The following PPP2R5E variants were observed in gnomAD, a reference collection of about 807,000 sequenced individuals.
PPP2R5E encodes protein phosphatase 2 regulatory subunit B'epsilon.
Under a neutral mutation model 65.3 loss-of-function variants are expected in PPP2R5E, and 4 were observed. The observed-to-expected ratio is 0.06, with a 90% CI of 0.03 to 0.14. The LOEUF (loss-of-function observed/expected upper bound fraction) is 0.14. Ranked by LOEUF, PPP2R5E falls within the 10% of genes least tolerant of loss-of-function variation. The pLI is 1.00. For synonymous variants in PPP2R5E, 183 were observed against 187.4 expected, an observed-to-expected ratio of 0.98 and a Z score of 0.19; for missense variants, 274 against 556.1, an observed-to-expected ratio of 0.49 and a Z score of 5.10.
chr14:63,378,325 T>A (rs540915714), intron 13 of PPP2R5E, among the ~76,000 whole-genome samples: 4 of 152,288 alleles, frequency 2.6e-5, no homozygotes, highest in African/African-American at 9.6e-5. Context: ...ATGCCAGAGG[T>A]TGTAAAACTT....
At chr14:63,391,531 C>T (rs1885023427) in intron 10 of PPP2R5E, among the ~76,000 whole-genome samples, 1 of 152,202 alleles carries the variant, frequency 6.6e-6, no homozygotes, top group Non-Finnish European at 1.5e-5. Context: ...TCAAGCGATT[C>T]TCCTGCCTCA....
At chr14:63,540,390 C>T (rs1893845324) in intron 1 of PPP2R5E, among the ~76,000 whole-genome samples, 2 of 141,514 alleles carry the variant, frequency 1.4e-5, no homozygotes, top group African/African-American at 5.4e-5. Context: ...AAGATGGCAC[C>T]ACTGCACTCC....
At position 63,474,159 on chromosome 14, in the gene PPP2R5E, T is replaced by C. The variant is rs1254971024; in HGVS notation, c.158-20274A>G. 2.0e-5 allele frequency among the ~76,000 whole-genome samples: 3 copies of C among 152,158 alleles called. No homozygotes were observed. In the East Asian group the frequency reaches 5.8e-4, roughly 29 times the overall value. ...AGGATTGGAGACAAAGTGGACAAATTAGAGATAATTTACTGGAAGAAGAAT... is the reference window on the plus strand; with the variant it reads ...AGGATTGGAGACAAAGTGGACAAATCAGAGATAATTTACTGGAAGAAGAAT... On this transcript the variant is annotated intron_variant, in intron 2 of 13. Transcript: ENST00000337537.
At chr14:63,522,862 G>A (rs1892999753) in intron 2 of PPP2R5E, among the ~76,000 whole-genome samples, 4 of 151,234 alleles carry the variant, frequency 2.6e-5, no homozygotes, top group African/African-American at 9.7e-5. Context: ...GGGAGGTGGG[G>A]GGGGTCAGCC....
At chr14:63,415,865 G>A (rs116826771) in intron 4 of PPP2R5E, among the ~76,000 whole-genome samples, 1 of 152,246 alleles carries the variant, frequency 6.6e-6, no homozygotes, top group African/African-American at 2.4e-5. Flanking sequence ...ACATCAGTAT[G>A]TACTTGTTCA....
intron 3 of PPP2R5E, among the ~76,000 whole-genome samples, chr14:63,447,985 G>A (rs963656093): frequency 6.6e-6 from 1 of 152,134 alleles, no homozygotes; most frequent in African/African-American, 2.4e-5. Flanking sequence ...ACATTTCATG[G>A]TGTCCCAAAG....
intron 13 of PPP2R5E, among the ~76,000 whole-genome samples, chr14:63,379,826 C>CTCTCTCTT (rs528081976): frequency 1.0e-4 from 10 of 100,280 alleles, no homozygotes; most frequent in African/African-American, 5.2e-4. Flanking sequence ...TATTCTCTCT[C>CTCTCTCTT]TTTTTTTTTT....
Position 63,539,670 on chromosome 14 carries a change from T to C in PPP2R5E, c.16A>G (p.Thr6Ala), listed in dbSNP as rs1028023177. 3.7e-6 allele frequency: 6 copies of C among 1,613,782 alleles called. No individual in the cohort carries two copies. Among genetic ancestry groups the C allele is most frequent in the South Asian group, 2.2e-5 (2 of 91,034 alleles). Residue 6 changes from threonine (T) to alanine (A), a missense_variant, in exon 2 of 14, where the codon ACT becomes GCT. Thr to Ala is a moderately conservative substitution (Grantham distance 58). Coordinates refer to ENST00000337537, the MANE Select transcript of PPP2R5E (RefSeq NM_006246.5). The stretch of plus-strand genomic sequence containing the variant: ...ACTTTATCCACTGATGGAGGAGTAG[T>C]TGGTGCTGAGGACATATCCCTACTG... MSSAP[T>A]TPPSVDKVDG...
chr14:63,519,410 G>A (rs751729446), intron 2 of PPP2R5E, among the ~76,000 whole-genome samples: 1 of 150,842 alleles, frequency 6.6e-6, no homozygotes, highest in African/African-American at 2.4e-5. Context: ...GAGTGCAGTG[G>A]TACGATCTCT....
Position 63,542,785 on chromosome 14 carries a change from G to A in PPP2R5E, c.-14C>T, listed in dbSNP as rs1893959802. On this transcript the variant is annotated 5_prime_UTR_variant, in exon 1 of 14. Coordinates refer to ENST00000337537, the MANE Select transcript of PPP2R5E (RefSeq NM_006246.5). ...GCTGGAGGGACTAAGTTACCTTGAAGCTTCTGGGGAAGAATCCAAAGATGA... is the reference window on the plus strand; with the variant it reads ...GCTGGAGGGACTAAGTTACCTTGAAACTTCTGGGGAAGAATCCAAAGATGA... The A allele has an allele frequency of 6.5e-6, 1 of 153,838 alleles. No homozygotes were observed. Among genetic ancestry groups the A allele is most frequent in the African/African-American group, 2.4e-5 (1 of 41,510 alleles). 9.5% of individuals were successfully genotyped at this position (153,838 alleles called of 1,614,324 possible).
intron 2 of PPP2R5E, among the ~76,000 whole-genome samples, chr14:63,457,099 T>C (rs952451337): frequency 3.3e-5 from 5 of 152,170 alleles, no homozygotes; most frequent in African/African-American, 4.8e-5. Context: ...GTTCTTCATA[T>C]AATGTCTGGG....
intron 2 of PPP2R5E, among the ~76,000 whole-genome samples, chr14:63,490,341 G>T (rs1004384755): frequency 6.6e-6 from 1 of 151,982 alleles, no homozygotes; most frequent in African/African-American, 2.4e-5. Flanking sequence ...AGAATAAAAC[G>T]TAGGAAATAT....
intron 6 of PPP2R5E, 54 bp downstream of exon 6, chr14:63,396,532 C>T: frequency 6.3e-7 from 1 of 1,588,260 alleles, no homozygotes. Context: ...TTACTTAATA[C>T]TCATAAAAAC....
chr14:63,385,597 G>A (rs981373076), intron 11 of PPP2R5E, among the ~76,000 whole-genome samples: 6 of 152,018 alleles, frequency 3.9e-5, no homozygotes, highest in South Asian at 2.1e-4. Context: ...CCTGTAGAGC[G>A]GCCAATATTT....
intron 5 of PPP2R5E, among the ~76,000 whole-genome samples, chr14:63,406,432 A>T (rs1240591978): frequency 6.6e-6 from 1 of 151,938 alleles, no homozygotes; most frequent in East Asian, 1.9e-4. Flanking sequence ...AAAAAGAAAA[A>T]GAAAAACAAC....
At chr14:63,446,828 CAAAAAAAAAAA>C (rs55892835) in intron 3 of PPP2R5E, among the ~76,000 whole-genome samples, 1 of 92,182 alleles carries the variant, frequency 1.1e-5, no homozygotes, top group African/African-American at 4.0e-5. Context: ...GACTCCATCT[CAAAAAAAAAAA>C]AAAAAAAAGA....
chr14:63,412,567 T>C (rs541156172), intron 5 of PPP2R5E, among the ~76,000 whole-genome samples: 84 of 152,140 alleles, frequency 5.5e-4, no homozygotes, highest in African/African-American at 2.0e-3. Context: ...TGAGAGAAGG[T>C]TGACAGAACG....
chr14:63,531,269 T>A (rs1193490326), intron 2 of PPP2R5E, among the ~76,000 whole-genome samples: 1 of 152,214 alleles, frequency 6.6e-6, no homozygotes, highest in Non-Finnish European at 1.5e-5. Flanking sequence ...TATCTCCTAA[T>A]GCTATCCGTC....
chr14:63,465,287 T>C (rs1594904258), intron 2 of PPP2R5E, among the ~76,000 whole-genome samples: 1 of 151,986 alleles, frequency 6.6e-6, no homozygotes, highest in African/African-American at 2.4e-5. Context: ...TTTTAAACAA[T>C]TTTTTAATTT....
Sources: allele counts gnomAD v4.1 joint callset (sites outside exome capture counted in the v4.1 genomes callset), GRCh38; gene constraint gnomAD v4.1.1; transcripts MANE v1.5; gene names NCBI Gene and HGNC (gene_info 2026-07-23, HGNC 2026-07-21).